The following OSBPL10 variants were observed in gnomAD, a reference collection of about 807,000 sequenced individuals.
OSBPL10 encodes the protein oxysterol-binding protein-related protein 10.
A neutral mutation model predicts 81.7 loss-of-function variants in OSBPL10; 49 were observed. The ratio of observed to expected loss-of-function variants is 0.60; its 90% CI spans 0.48 to 0.76. The LOEUF is 0.76. Ranked by LOEUF, OSBPL10 falls within the 30% of genes least tolerant of loss-of-function variation. The probability of loss-of-function intolerance (pLI) is 0.00; values close to 1 mark genes in which losing one functional copy is unlikely to be tolerated. For synonymous variants in OSBPL10, 419 were observed against 383.6 expected (o/e 1.09, Z -1.08); for missense variants, 923 against 987.8 (o/e 0.93, Z 0.88).
At chr3:31,992,115 C>T (rs1396347737) in intron 2 of OSBPL10, among the ~76,000 whole-genome samples, 1 of 140,812 alleles carries the variant, frequency 7.1e-6, no homozygotes, top group Non-Finnish European at 1.5e-5. Flanking sequence ...CACTGCACTC[C>T]AACCTAGGCA....
intron 2 of OSBPL10, among the ~76,000 whole-genome samples, chr3:32,031,936 G>A (rs1040863918): frequency 8.6e-5 from 13 of 151,968 alleles, no homozygotes; most frequent in Non-Finnish European, 1.9e-4. Context: ...AGAATATTTC[G>A]GAATTAAACC....
chr3:31,747,874 T>C (rs376055388), intron 5 of OSBPL10, 36 bp downstream of exon 5: 69 of 1,590,184 alleles, frequency 4.3e-5, no homozygotes, highest in Non-Finnish European at 5.8e-5. Flanking sequence ...GTGTGTGTAC[T>C]CATCCCAAAC....
chr3:31,732,115 A>C (rs1253166089), intron 6 of OSBPL10, among the ~76,000 whole-genome samples: 1 of 152,202 alleles, frequency 6.6e-6, no homozygotes, highest in South Asian at 2.1e-4. Flanking sequence ...CACGGTTGCC[A>C]ACTTACCTTC....
At chr3:31,721,811 A>C (rs1418934380) in intron 6 of OSBPL10, among the ~76,000 whole-genome samples, 1 of 152,224 alleles carries the variant, frequency 6.6e-6, no homozygotes, top group Non-Finnish European at 1.5e-5. Flanking sequence ...AGGACTTACT[A>C]TTGAGTGCCA....
At chr3:31,742,399 A>T (rs1325298511) in intron 5 of OSBPL10, among the ~76,000 whole-genome samples, 4 of 151,992 alleles carry the variant, frequency 2.6e-5, no homozygotes, top group Admixed American at 6.6e-5. Context: ...TTTTAAGTGG[A>T]TGAAGAGTTA....
intron 5 of OSBPL10, 116 bp downstream of exon 5, chr3:31,747,794 T>G: frequency 9.2e-7 from 1 of 1,092,402 alleles, no homozygotes; most frequent in Non-Finnish European, 1.4e-6. Context: ...TACTTGGATA[T>G]AAGGATAGAT....
chr3:31,677,417 AC>A (rs1301975562), intron 8 of OSBPL10, among the ~76,000 whole-genome samples: 2 of 152,204 alleles, frequency 1.3e-5, no homozygotes, highest in Non-Finnish European at 2.9e-5. Flanking sequence ...GCCCAGGCCC[AC>A]CCACAGCAGG....
At position 31,702,617 on chromosome 3, in the gene OSBPL10, G is replaced by A. The variant is rs554897381; in HGVS notation, c.1096-109C>T. The A allele has an allele frequency of 6.6e-5, 95 of 1,440,436 alleles. No homozygotes were observed. The East Asian group carries it at 1.4e-3, about 22-fold the overall frequency. The allele number at this position is 1,440,436 out of a possible 1,614,324, so 89.2% of individuals were successfully genotyped here. ...GACAGAAGAAACCCAATCCTGTCCCGGGCAGAGCTCCTCTGTGACCCAGTC... is the reference window on the plus strand; with the variant it reads ...GACAGAAGAAACCCAATCCTGTCCCAGGCAGAGCTCCTCTGTGACCCAGTC... On this transcript the variant is annotated intron_variant, in intron 6 of 11. Coordinates refer to ENST00000396556, the MANE Select transcript of OSBPL10 (RefSeq NM_017784.5).
At chr3:31,789,845 T>G (rs1366443602) in intron 4 of OSBPL10, among the ~76,000 whole-genome samples, 2 of 152,206 alleles carry the variant, frequency 1.3e-5, no homozygotes, top group African/African-American at 4.8e-5. Flanking sequence ...AGAGGATACT[T>G]CTTCCTTGTA....
intron 2 of OSBPL10, among the ~76,000 whole-genome samples, chr3:32,011,167 G>A (rs931321719): frequency 3.3e-5 from 5 of 152,222 alleles, no homozygotes; most frequent in Non-Finnish European, 1.5e-5. Flanking sequence ...TGACCCCCGA[G>A]TAGCCTAACT....
At chr3:31,680,933 T>C (rs1482765566) in intron 8 of OSBPL10, among the ~76,000 whole-genome samples, 2 of 152,204 alleles carry the variant, frequency 1.3e-5, no homozygotes, top group African/African-American at 2.4e-5. Flanking sequence ...ATTTTTCTAA[T>C]TGGAAAATAG....
chr3:31,759,287 A>C (rs1697967539), intron 4 of OSBPL10, among the ~76,000 whole-genome samples: 1 of 152,112 alleles, frequency 6.6e-6, no homozygotes, highest in Non-Finnish European at 1.5e-5. Context: ...TCCCACACAC[A>C]CAGACACAGA....
intron 2 of OSBPL10, among the ~76,000 whole-genome samples, chr3:32,009,992 A>G (rs1447233302): frequency 3.3e-5 from 5 of 152,170 alleles, no homozygotes; most frequent in Admixed American, 2.6e-4. Context: ...TCCCAATGTG[A>G]CTGTATTTGG....
chr3:31,898,869 A>G (rs1458769356), intron 1 of OSBPL10, among the ~76,000 whole-genome samples: 1 of 151,840 alleles, frequency 6.6e-6, no homozygotes, highest in Admixed American at 6.6e-5. Context: ...GGACAGAACT[A>G]AAGTTTGACA....
In OSBPL10 at chr3:31,850,152, G is replaced by A. The variant is rs537398576; in HGVS notation, c.538-19921C>T. The stretch of plus-strand genomic sequence containing the variant: ...TGCACTCCAGCCTGGGTGACACAGT[G>A]AAACTCTGTCTCAAAAAGAAAAAAA... On this transcript the variant is annotated intron_variant, in intron 3 of 11. Transcript: ENST00000396556. Among the ~76,000 whole-genome samples, 5 of 152,012 alleles carry A rather than the reference G, an allele frequency of 3.3e-5. No individual in the cohort carries two copies. The South Asian group carries it at 1.0e-3, about 32-fold the overall frequency.
rs993145444 is a variant in OSBPL10, at chr3:31,993,500, G to A, written n.298+52991C>T. On this transcript the variant is annotated intron_variant and non_coding_transcript_variant, in intron 2 of 3. Coordinates refer to the OSBPL10 transcript ENST00000479173. Reference sequence around the variant, plus strand: ...TGGGATTACAGGCATGAGCCACCGCGCCCAGACAAGAAAACCCTTTTTTAA... The same window carrying A: ...TGGGATTACAGGCATGAGCCACCGCACCCAGACAAGAAAACCCTTTTTTAA... Among the ~76,000 whole-genome samples the A allele has an allele frequency of 4.6e-5, 7 of 152,070 alleles. No homozygotes were observed. The East Asian group carries it at 5.8e-4, about 13-fold the overall frequency.
chr3:31,692,079 T>C (rs1347437780), intron 7 of OSBPL10, among the ~76,000 whole-genome samples: 1 of 152,142 alleles, frequency 6.6e-6, no homozygotes, highest in Non-Finnish European at 1.5e-5. Flanking sequence ...AAATAAAATT[T>C]TACTTTTTCC....
At chr3:31,965,611 A>T (rs1384375432) in intron 1 of OSBPL10, among the ~76,000 whole-genome samples, 2 of 80,134 alleles carry the variant, frequency 2.5e-5, no homozygotes, top group African/African-American at 5.5e-5. Flanking sequence ...ATAATATATT[A>T]TATAAATTAT....
At chr3:31,693,836 T>C (rs945445068) in intron 7 of OSBPL10, among the ~76,000 whole-genome samples, 26 of 152,174 alleles carry the variant, frequency 1.7e-4, no homozygotes, top group African/African-American at 6.0e-4. Context: ...GGTATGATCA[T>C]AGCTCACTAG....
Sources: allele counts gnomAD v4.1 joint callset (sites outside exome capture counted in the v4.1 genomes callset), GRCh38; gene constraint gnomAD v4.1.1; transcripts MANE v1.5; gene names NCBI Gene and HGNC (gene_info 2026-07-23, HGNC 2026-07-21).